Variants in LHFPL3 observed in about 807,000 individuals in gnomAD.
LHFPL3 encodes LHFPL tetraspan subfamily member 3 protein.
A neutral mutation model predicts 19.3 loss-of-function variants in LHFPL3; 5 were observed. The ratio of observed to expected loss-of-function variants is 0.26; its 90% CI spans 0.14 to 0.54. The LOEUF (loss-of-function observed/expected upper bound fraction) is 0.54, where lower values mean the gene tolerates loss of function less well. Among genes scored for constraint, LHFPL3 ranks in the 20% least tolerant of loss-of-function variants. The pLI is 0.94. For synonymous variants in LHFPL3, 133 were observed against 126.2 expected (o/e 1.05, Z -0.36); for missense variants, 249 against 307.4 (o/e 0.81, Z 1.42).
intron 2 of LHFPL3, among the ~76,000 whole-genome samples, chr7:104,778,497 G>C (rs952860579): frequency 3.9e-5 from 6 of 152,186 alleles, no homozygotes. Context: ...TGATTATCTT[G>C]GTTCCCAAGT....
intron 1 of LHFPL3, among the ~76,000 whole-genome samples, chr7:104,598,555 T>C (rs1349957069): frequency 6.6e-6 from 1 of 152,184 alleles, no homozygotes; most frequent in Non-Finnish European, 1.5e-5. Context: ...TTGGAGATGC[T>C]CAAGGGATTT....
At chr7:104,561,917 G>T (rs1190808073) in intron 1 of LHFPL3, among the ~76,000 whole-genome samples, 9 of 152,048 alleles carry the variant, frequency 5.9e-5, no homozygotes, top group Admixed American at 6.6e-5. Context: ...GTCTGTAAAG[G>T]ATTTTATTTC....
At chr7:104,770,251 CA>C (rs895034350) in intron 2 of LHFPL3, among the ~76,000 whole-genome samples, 5 of 151,954 alleles carry the variant, frequency 3.3e-5, no homozygotes, top group African/African-American at 1.2e-4. Flanking sequence ...TATATGACCC[CA>C]AACAGAAGAC....
At chr7:104,334,932 T>C (rs2116351844) in intron 1 of LHFPL3, among the ~76,000 whole-genome samples, 1 of 152,288 alleles carries the variant, frequency 6.6e-6, no homozygotes, top group Non-Finnish European at 1.5e-5. Context: ...TGGATTTCCT[T>C]ATGTACCTTC....
intron 1 of LHFPL3, among the ~76,000 whole-genome samples, chr7:104,729,073 A>G (rs1410079828): frequency 6.6e-6 from 1 of 152,254 alleles, no homozygotes; most frequent in Non-Finnish European, 1.5e-5. Flanking sequence ...GAAATTGAAT[A>G]TCAGTATTCT....
chr7:104,459,128 T>A (rs559398686), intron 1 of LHFPL3, among the ~76,000 whole-genome samples: 4 of 152,360 alleles, frequency 2.6e-5, no homozygotes, highest in Admixed American at 2.0e-4. Flanking sequence ...GTTACTAATC[T>A]TTGAGTGACT....
intron 1 of LHFPL3, among the ~76,000 whole-genome samples, chr7:104,374,206 A>G (rs1454303963): frequency 0.029 from 2,358 of 81,124 alleles, 19 homozygotes; most frequent in African/African-American, 0.042. Flanking sequence ...ATCTATCTAT[A>G]TATGTGTGTG....
intron 1 of LHFPL3, among the ~76,000 whole-genome samples, chr7:104,625,079 T>C (rs972550820): frequency 3.9e-5 from 6 of 152,240 alleles, no homozygotes; most frequent in Admixed American, 1.3e-4. Flanking sequence ...CAGAGGGTCT[T>C]TCCCACTTCT....
At chr7:104,806,478 G>A (rs527408017) in intron 2 of LHFPL3, among the ~76,000 whole-genome samples, 5 of 152,278 alleles carry the variant, frequency 3.3e-5, no homozygotes, top group African/African-American at 1.2e-4. Context: ...TTTAGATTCT[G>A]GGAAACAGAG....
intron 1 of LHFPL3, among the ~76,000 whole-genome samples, chr7:104,551,496 C>G (rs1426235852): frequency 6.6e-6 from 1 of 152,114 alleles, no homozygotes; most frequent in Non-Finnish European, 1.5e-5. Flanking sequence ...CCACCCCTCC[C>G]TTGGCTGCCT....
chr7:104,369,621 G>A (rs1790572629), intron 1 of LHFPL3, among the ~76,000 whole-genome samples: 1 of 152,210 alleles, frequency 6.6e-6, no homozygotes, highest in East Asian at 1.9e-4. Flanking sequence ...TTTCTGGAGT[G>A]GGTGTACAAT....
chr7:104,507,720 G>A lies in LHFPL3; in HGVS notation c.445+178496G>A, dbSNP rs749836973. On this transcript the variant is annotated intron_variant, in intron 1 of 2. Transcript: ENST00000424859. ...TCACAACCTACTCATCTGACAAAGG[G>A]CTAATATCCAGAATCTGCAATGAAC... Among the ~76,000 whole-genome samples the A allele has an allele frequency of 9.6e-3, 1,270 of 132,728 alleles. 3 individuals carry two copies. Among genetic ancestry groups the A allele is most frequent in the Non-Finnish European group, 0.015 (909 of 61,796 alleles). The allele number at this position is 132,728 out of a possible 152,430, so 87.1% of individuals were successfully genotyped here.
chr7:104,527,195 G>A (rs1226524555), intron 1 of LHFPL3, among the ~76,000 whole-genome samples: 2 of 152,092 alleles, frequency 1.3e-5, no homozygotes, highest in Non-Finnish European at 2.9e-5. Context: ...GGCAGGGGGC[G>A]GATATTGTAG....
chr7:104,779,809 G>C (rs2116420062), intron 2 of LHFPL3, among the ~76,000 whole-genome samples: 1 of 152,346 alleles, frequency 6.6e-6, no homozygotes, highest in Non-Finnish European at 1.5e-5. Context: ...ATAATCCATA[G>C]TCTTCTTATC....
At chr7:104,851,247 G>A (rs538830572) in intron 2 of LHFPL3, among the ~76,000 whole-genome samples, 2 of 152,292 alleles carry the variant, frequency 1.3e-5, no homozygotes, top group East Asian at 3.9e-4. Context: ...AAAGAAATAT[G>A]AATTAGTGAG....
chr7:104,841,750 C>A (rs1469906182), intron 2 of LHFPL3, among the ~76,000 whole-genome samples: 1 of 152,060 alleles, frequency 6.6e-6, no homozygotes, highest in Non-Finnish European at 1.5e-5. Flanking sequence ...AACTTTTGCA[C>A]CCATTTATTT....
At chr7:104,585,682 T>C (rs931926026) in intron 1 of LHFPL3, among the ~76,000 whole-genome samples, 4 of 152,114 alleles carry the variant, frequency 2.6e-5, no homozygotes, top group East Asian at 1.9e-4. Flanking sequence ...CCTGGAAATA[T>C]ACATGCTCCA....
chr7:104,577,113 T>C (rs541105987), intron 1 of LHFPL3, among the ~76,000 whole-genome samples: 1 of 152,372 alleles, frequency 6.6e-6, no homozygotes, highest in African/African-American at 2.4e-5. Context: ...CACTGATTGA[T>C]TCAGTCAATA....
At chr7:104,798,882 C>T (rs1054289747) in intron 2 of LHFPL3, among the ~76,000 whole-genome samples, 3 of 152,012 alleles carry the variant, frequency 2.0e-5, no homozygotes, top group South Asian at 2.1e-4. Context: ...CTGTGTATAT[C>T]GTAAGGTTTT....
Sources: gnomAD v4.1 joint callset for allele counts (sites outside exome capture counted in the v4.1 genomes callset) on GRCh38, gnomAD v4.1.1 for gene constraint, MANE v1.5 for transcripts, NCBI Gene and HGNC (gene_info 2026-07-23, HGNC 2026-07-21) for gene names.